Variants in TSGA10IP observed in about 807,000 individuals in gnomAD.
TSGA10IP encodes testis specific 10 interacting protein.
In TSGA10IP, 64 loss-of-function variants were observed where a neutral mutation model predicts 63.2. The ratio of observed to expected loss-of-function variants is 1.01; its 90% CI spans 0.83 to 1.25. The LOEUF is 1.25. Ranked by LOEUF, TSGA10IP falls within the 50% of genes most tolerant of loss-of-function variation. The pLI, the probability that TSGA10IP is intolerant of heterozygous loss-of-function variation, is 0.00. For synonymous variants in TSGA10IP, 316 were observed against 298.3 expected, an observed-to-expected ratio of 1.06 and a Z score of -0.61; for missense variants, 681 against 710.1, an observed-to-expected ratio of 0.96 and a Z score of 0.47.
chr11:65,950,598 T>C (rs1404294158), intron 4 of TSGA10IP, among the ~76,000 whole-genome samples: 1 of 151,370 alleles, frequency 6.6e-6, no homozygotes, highest in Non-Finnish European at 1.5e-5. Flanking sequence ...CTTGTCTCAC[T>C]GTTGCCCAGG....
At chr11:65,951,042 T>C (rs1854933881) in intron 4 of TSGA10IP, among the ~76,000 whole-genome samples, 1 of 152,216 alleles carries the variant, frequency 6.6e-6, no homozygotes, top group Admixed American at 6.5e-5. Context: ...ATTTTCTTCT[T>C]TTTAAGGCTG....
chr11:65,947,865 C>G (rs1296369309), intron 3 of TSGA10IP, 37 bp downstream of exon 3: 1 of 1,520,610 alleles, frequency 6.6e-7, no homozygotes, highest in Non-Finnish European at 8.8e-7. Flanking sequence ...TCCCCCGAAG[C>G]TACACCGCAG....
intron 4 of TSGA10IP, among the ~76,000 whole-genome samples, chr11:65,952,085 C>G (rs1374563646): frequency 6.6e-6 from 1 of 152,110 alleles, no homozygotes; most frequent in Non-Finnish European, 1.5e-5. Flanking sequence ...AACTCCAGAC[C>G]TCAAATGATC....
At position 65,945,609 on chromosome 11, in the gene TSGA10IP, T is replaced by C. The variant is rs748949819; in HGVS notation, c.-67T>C. Reference sequence around the variant, plus strand: ...TTTTGCCAGACCCATTGAGACTGGCTGAGGACTGGTTGCCATAGAGATGGC... The same window carrying C: ...TTTTGCCAGACCCATTGAGACTGGCCGAGGACTGGTTGCCATAGAGATGGC... On this transcript the variant is annotated 5_prime_UTR_variant, in exon 1 of 8. An upstream open reading frame in the 5' UTR loses its in-frame stop. Coordinates refer to ENST00000532620, the Ensembl canonical transcript of TSGA10IP. 294 of 1,571,688 alleles carry C rather than the reference T, an allele frequency of 1.9e-4. No homozygotes were observed. Among genetic ancestry groups the C allele is most frequent in the Non-Finnish European group, 2.5e-4 (290 of 1,152,700 alleles).
intron 1 of TSGA10IP, among the ~76,000 whole-genome samples, chr11:65,946,354 A>T (rs1854833738): frequency 6.6e-6 from 1 of 152,132 alleles, no homozygotes; most frequent in Admixed American, 6.5e-5. Flanking sequence ...AGTCCTGAGC[A>T]CACAATAGGT....
chr11:65,947,710 C>T, exon 3 of TSGA10IP: 1 of 1,596,854 alleles, frequency 6.3e-7, no homozygotes, highest in South Asian at 1.1e-5. Flanking sequence ...GCCAGGGGAG[C>T]AGCCCCAGCT....
At chr11:65,956,439 G>C (rs184509418) in intron 5 of TSGA10IP, among the ~76,000 whole-genome samples, 10 of 152,036 alleles carry the variant, frequency 6.6e-5, no homozygotes, top group African/African-American at 2.4e-4. Flanking sequence ...GCCCGGCCGA[G>C]GCTCAGTCTT....
exon 3 of TSGA10IP, chr11:65,947,117 C>A (rs1214898721): frequency 6.2e-7 from 1 of 1,611,392 alleles, no homozygotes; most frequent in Non-Finnish European, 8.5e-7. Context: ...CAGTCACTTC[C>A]CGCTTCTTCC....
chr11:65,946,633 C>T (rs928208264), intron 1 of TSGA10IP, among the ~76,000 whole-genome samples: 2 of 152,170 alleles, frequency 1.3e-5, no homozygotes, highest in African/African-American at 2.4e-5. Context: ...TGGGGTTTCG[C>T]CATGTTGGCC....
At chr11:65,958,911 T>G (rs781122732) in exon 6 of TSGA10IP, 2 of 1,613,130 alleles carry the variant, frequency 1.2e-6, no homozygotes, top group Non-Finnish European at 1.7e-6. Context: ...CTTTGCTGAG[T>G]ACCAGGCGGA....
chr11:65,947,166 G>C, exon 3 of TSGA10IP: 1 of 1,610,798 alleles, frequency 6.2e-7, no homozygotes, highest in Non-Finnish European at 8.5e-7. Flanking sequence ...GCCTGGGAGA[G>C]CATCGCCACA....
At chr11:65,955,561 C>T (rs1249933313) in intron 5 of TSGA10IP, among the ~76,000 whole-genome samples, 1 of 151,042 alleles carries the variant, frequency 6.6e-6, no homozygotes, top group Non-Finnish European at 1.5e-5. Flanking sequence ...TGCAGTGAGC[C>T]GAGACTGCAC....
intron 5 of TSGA10IP, among the ~76,000 whole-genome samples, chr11:65,957,156 G>A (rs979807662): frequency 1.3e-5 from 2 of 152,132 alleles, no homozygotes; most frequent in African/African-American, 4.8e-5. Context: ...CAGGGCTCCT[G>A]TCATTGTTTT....
intron 4 of TSGA10IP, among the ~76,000 whole-genome samples, chr11:65,952,540 C>T (rs2134876591): frequency 6.6e-6 from 1 of 152,158 alleles, no homozygotes; most frequent in Middle Eastern, 3.4e-3. Context: ...TCTTGACTTC[C>T]TGGGCTCAGG....
At chr11:65,953,712 G>T in exon 5 of TSGA10IP, 1 of 1,557,576 alleles carries the variant, frequency 6.4e-7, no homozygotes, top group East Asian at 2.4e-5. Context: ...CCCTGGGGCG[G>T]CCCAGCGCAA....
At position 65,953,507 on chromosome 11, in the gene TSGA10IP, C is replaced by A. The variant is rs898925284; in HGVS notation, c.1152-60C>A. 15 of 1,487,704 alleles carry A rather than the reference C, an allele frequency of 1.0e-5. No homozygotes were observed. In the African/African-American group the frequency reaches 2.0e-4, roughly 20 times the overall value. 92.2% of individuals were successfully genotyped at this position (1,487,704 alleles called of 1,614,324 possible). A position where few individuals can be genotyped will look rare whatever the true frequency, so the allele number is the denominator to read the frequency against. Reference sequence around the variant, plus strand: ...CCATATTCCCTTATCCAGCCCCTGGCCCTCCGTGAGGCTCCTGCTGCCCGT... The same window carrying A: ...CCATATTCCCTTATCCAGCCCCTGGACCTCCGTGAGGCTCCTGCTGCCCGT... On this transcript the variant is annotated intron_variant, in intron 4 of 7. Transcript: ENST00000532620.
intron 5 of TSGA10IP, among the ~76,000 whole-genome samples, chr11:65,956,337 A>G (rs1177951028): frequency 6.6e-6 from 1 of 151,670 alleles, no homozygotes; most frequent in African/African-American, 2.4e-5. Flanking sequence ...GGGTTTCTCC[A>G]TGTTGGTCAG....
exon 1 of TSGA10IP, chr11:65,945,571 T>C: frequency 7.4e-7 from 1 of 1,359,820 alleles, no homozygotes; most frequent in Admixed American, 2.1e-5. Context: ...CACTGACCCC[T>C]TCCTAGCATG....
intron 5 of TSGA10IP, among the ~76,000 whole-genome samples, chr11:65,954,168 CTTTTT>C (rs762331435): frequency 7.0e-6 from 1 of 141,918 alleles, no homozygotes. Context: ...GACCATTTTC[CTTTTT>C]TTTTTTTTTT....
Sources: gnomAD v4.1 joint callset for allele counts (sites outside exome capture counted in the v4.1 genomes callset) on GRCh38, gnomAD v4.1.1 for gene constraint, MANE v1.5 for transcripts, NCBI Gene and HGNC (gene_info 2026-07-23, HGNC 2026-07-21) for gene names.